The following SIPA1L3 variants were observed in gnomAD, a reference collection of about 807,000 sequenced individuals.
SIPA1L3 encodes the protein signal-induced proliferation-associated 1-like protein 3.
SIPA1L3 carries 59 observed loss-of-function variants against 150.1 expected under a neutral mutation model. The ratio of observed to expected loss-of-function variants is 0.39; its 90% CI spans 0.32 to 0.49. The LOEUF is 0.49. Ranked by LOEUF, SIPA1L3 falls within the 20% of genes least tolerant of loss-of-function variation. The probability of loss-of-function intolerance (pLI) is 0.86; values close to 1 mark genes in which losing one functional copy is unlikely to be tolerated. For missense variants in SIPA1L3, 2,211 were observed against 2,489.5 expected, an observed-to-expected ratio of 0.89 and a Z score of 2.38; for synonymous variants, 1,070 against 1,077.6, an observed-to-expected ratio of 0.99 and a Z score of 0.14.
rs201046693 is a variant in SIPA1L3 at position 38,150,529 on chromosome 19, C to CT, written c.3534-2290dup. Among the ~76,000 whole-genome samples, 368 of 119,808 alleles carry CT rather than the reference C, an allele frequency of 3.1e-3. 6 individuals carry two copies. The highest frequency in any genetic ancestry group is 0.02 in the East Asian group (85 of 4,312). The allele number at this position is 119,808 out of a possible 152,430, so 78.6% of individuals were successfully genotyped here. ...CAACCAGGGAATTGCAATATCAACA[C>CT]TTTTTTTTTTTTTTTTTTTTTGAAA... On this transcript the variant is annotated intron_variant, in intron 12 of 21. Transcript: ENST00000222345.
chr19:37,953,829 A>G (rs1198928849), intron 1 of SIPA1L3, among the ~76,000 whole-genome samples: 1 of 152,164 alleles, frequency 6.6e-6, no homozygotes, highest in Non-Finnish European at 1.5e-5. Flanking sequence ...CTGAGTTCCT[A>G]CAGCTCAGCC....
At chr19:38,202,583 A>C (rs1175562138) in intron 20 of SIPA1L3, among the ~76,000 whole-genome samples, 1 of 152,032 alleles carries the variant, frequency 6.6e-6, no homozygotes, top group African/African-American at 2.4e-5. Context: ...GGGAGACTCC[A>C]TCTCAAAAAA....
In SIPA1L3 at chr19:38,182,582, T is replaced by TCGGCCCTCCCAGCTGGCC. The variant is rs778892843; in HGVS notation, c.4274_4291dup (p.Arg1425_Ala1430dup). The TCGGCCCTCCCAGCTGGCC allele has an allele frequency of 7.4e-6, 12 of 1,614,078 alleles. No individual in the cohort carries two copies. In the South Asian group the frequency reaches 1.2e-4, roughly 16 times the overall value. ...ACAAAACTGCCAGTGCAGAGACTCC[T>TCGGCCCTCCCAGCTGGCC]CGGCCCTCCCAGCTGGCCCAGCCCA... is the stretch of plus-strand genomic sequence containing the variant. On this transcript the variant is annotated inframe_insertion, in exon 16 of 22. Transcript: ENST00000222345.
At chr19:38,011,550 C>G (rs1968098535) in intron 1 of SIPA1L3, among the ~76,000 whole-genome samples, 1 of 152,204 alleles carries the variant, frequency 6.6e-6, no homozygotes, top group Non-Finnish European at 1.5e-5. Context: ...GCCCCCTGAT[C>G]TGGGTGGTCA....
At chr19:38,037,639 G>A (rs1238518216) in intron 2 of SIPA1L3, among the ~76,000 whole-genome samples, 1 of 152,128 alleles carries the variant, frequency 6.6e-6, no homozygotes, top group African/African-American at 2.4e-5. Context: ...TGAACAAGAC[G>A]ACAAATATCC....
At chr19:37,968,936 C>A (rs879892592) in intron 1 of SIPA1L3, among the ~76,000 whole-genome samples, 3 of 152,182 alleles carry the variant, frequency 2.0e-5, no homozygotes, top group Non-Finnish European at 2.9e-5. Flanking sequence ...TGTGGAACCC[C>A]ATTGACACAT....
chr19:38,138,961 C>T (rs557687160), intron 10 of SIPA1L3, among the ~76,000 whole-genome samples: 3 of 148,570 alleles, frequency 2.0e-5, no homozygotes, highest in East Asian at 2.0e-4. Flanking sequence ...TTTGGGAGGC[C>T]GAGGAGGACA....
chr19:38,067,249 T>G (rs1304724041), intron 2 of SIPA1L3, among the ~76,000 whole-genome samples: 1 of 151,798 alleles, frequency 6.6e-6, no homozygotes. Context: ...GATGCACAGT[T>G]CTAACTTATT....
At chr19:38,135,124 T>C (rs1389015551) in intron 10 of SIPA1L3, among the ~76,000 whole-genome samples, 1 of 152,212 alleles carries the variant, frequency 6.6e-6, no homozygotes, top group South Asian at 2.1e-4. Context: ...GTCTCCATTA[T>C]ACTCTGCAGC....
intron 15 of SIPA1L3, chr19:38,173,551 T>G (rs1972374582): frequency 6.6e-6 from 1 of 152,308 alleles, no homozygotes; most frequent in African/African-American, 2.4e-5. Flanking sequence ...TCATAGGCTC[T>G]CGGCTCCACA....
chr19:37,983,061 T>C (rs1967240713), intron 1 of SIPA1L3, among the ~76,000 whole-genome samples: 1 of 152,186 alleles, frequency 6.6e-6, no homozygotes, highest in Non-Finnish European at 1.5e-5. Flanking sequence ...ATGCAAAATG[T>C]TGGGAGGGCA....
intron 15 of SIPA1L3, among the ~76,000 whole-genome samples, chr19:38,168,620 C>T (rs1019850141): frequency 9.2e-5 from 14 of 152,168 alleles, no homozygotes; most frequent in African/African-American, 2.7e-4. Context: ...TTAGCGAACC[C>T]GAACAACTGG....
At chr19:38,088,101 C>T (rs1970176926) in intron 3 of SIPA1L3, among the ~76,000 whole-genome samples, 1 of 152,210 alleles carries the variant, frequency 6.6e-6, no homozygotes, top group South Asian at 2.1e-4. Flanking sequence ...TATCGTGGTC[C>T]CTGACAGGCA....
At chr19:38,063,281 C>T (rs984826576) in intron 2 of SIPA1L3, among the ~76,000 whole-genome samples, 4 of 152,158 alleles carry the variant, frequency 2.6e-5, no homozygotes, top group African/African-American at 4.8e-5. Context: ...CGGCCCCCAG[C>T]TCCCATCCCT....
chr19:37,965,919 C>T (rs1426440453), intron 1 of SIPA1L3, among the ~76,000 whole-genome samples: 2 of 152,156 alleles, frequency 1.3e-5, no homozygotes, highest in Non-Finnish European at 2.9e-5. Flanking sequence ...AAGCACCTGC[C>T]ACCTTCCTGA....
intron 1 of SIPA1L3, among the ~76,000 whole-genome samples, chr19:37,945,201 AT>A (rs998288875): frequency 3.3e-5 from 5 of 151,948 alleles, no homozygotes; most frequent in African/African-American, 1.2e-4. Context: ...AAGTCAAAAA[AT>A]TGCAAGTCAG....
chr19:38,189,896 T>C (rs866069359), intron 16 of SIPA1L3, among the ~76,000 whole-genome samples: 7 of 152,326 alleles, frequency 4.6e-5, no homozygotes, highest in East Asian at 1.9e-4. Context: ...TACATGCTGC[T>C]TTTTTCACAT....
chr19:38,151,237 G>A (rs1350518750), intron 12 of SIPA1L3, among the ~76,000 whole-genome samples: 2 of 152,202 alleles, frequency 1.3e-5, no homozygotes, highest in Non-Finnish European at 2.9e-5. Flanking sequence ...CCCCATTTCA[G>A]TCAGACGGTG....
Position 38,046,850 on chromosome 19 carries a change from AGG to A in SIPA1L3, c.-311+17695_-311+17696del, listed in dbSNP as rs1969071757. ...CAGAGCAAGGTGGCTCTGATCCTGC[AGG>A]AGGGGGCTCTCTTTGAGAGCACTTG... On this transcript the variant is annotated intron_variant, in intron 2 of 21. Transcript: ENST00000222345. The surrounding 1 kb of genome is among the most constrained non-coding windows in gnomAD (Gnocchi z 5.6). Among the ~76,000 whole-genome samples the A allele has an allele frequency of 2.6e-5, 4 of 152,270 alleles. No individual in the cohort carries two copies. In the South Asian group the frequency reaches 8.3e-4, roughly 32 times the overall value.
Sources: allele counts gnomAD v4.1 joint callset (sites outside exome capture counted in the v4.1 genomes callset), GRCh38; gene constraint gnomAD v4.1.1; non-coding constraint Gnocchi (gnomAD v3.1); transcripts MANE v1.5; gene names NCBI Gene and HGNC (gene_info 2026-07-23, HGNC 2026-07-21).